The following BAHCC1 variants were observed in gnomAD, a reference collection of about 807,000 sequenced individuals.
The protein encoded by BAHCC1 is BAH domain and coiled-coil containing 1.
In BAHCC1, 43 loss-of-function variants were observed where a neutral mutation model predicts 88.2. That is an observed-to-expected ratio of 0.49 (90% confidence interval 0.38 to 0.63). BAHCC1 has a LOEUF of 0.63. Among genes scored for constraint, BAHCC1 ranks in the 20% least tolerant of loss-of-function variants. The pLI is 0.00. For synonymous variants in BAHCC1, 1,510 were observed against 745.5 expected (o/e 2.03, Z -16.71); for missense variants, 3,023 against 1,654.8 (o/e 1.83, Z -14.34).
intron 26 of BAHCC1, 70 bp from the exon 27 acceptor site, chr17:81,462,670 G>A (rs1469644218): frequency 4.3e-6 from 3 of 700,450 alleles, no homozygotes; most frequent in Non-Finnish European, 7.9e-6. Flanking sequence ...CACCCTCCAT[G>A]CCTCCTGGCC....
At chr17:81,456,839 G>T (rs1388706314) in intron 16 of BAHCC1, among the ~76,000 whole-genome samples, 3 of 152,254 alleles carry the variant, frequency 2.0e-5, no homozygotes, top group Admixed American at 6.5e-5. Context: ...GAAGGGGAAG[G>T]AAGGACCCCC....
chr17:81,452,906 A>G, intron 14 of BAHCC1, 55 bp downstream of exon 14: 3 of 663,448 alleles, frequency 4.5e-6, no homozygotes, highest in Non-Finnish European at 8.1e-6. Flanking sequence ...TGGGCCCTCG[A>G]GGCTGGGGAG....
intron 1 of BAHCC1, 142 bp downstream of exon 1, chr17:81,395,777 C>G (rs537826332): frequency 6.8e-6 from 1 of 147,440 alleles, no homozygotes; most frequent in South Asian, 2.1e-4. Context: ...TATATCTTCC[C>G]TTTTAACAAA....
rs1555658977 is a variant in BAHCC1 at position 81,460,682 on chromosome 17, A to C, written c.6178A>C (p.Lys2060Gln). Residue 2060 changes from lysine (K) to glutamine (Q), a missense_variant, in exon 25 of 28, where the codon AAA (lysine) becomes CAA (glutamine). Transcript: ENST00000675386. ...CGAAGCTTTGAAGACACCTGGGAAA[A>C]AATCCATTAGCAAAGACAAAGCTGG... ...GPEALKTPGK[K>Q]SISKDKAGKA... is the part of the protein sequence containing the mutation. The C allele has an allele frequency of 1.4e-5, 11 of 773,266 alleles. No individual in the cohort carries two copies. The highest frequency in any genetic ancestry group is 1.2e-4 in the South Asian group (9 of 73,852). The allele number at this position is 773,266 out of a possible 1,614,324, so 47.9% of individuals were successfully genotyped here.
intron 2 of BAHCC1, among the ~76,000 whole-genome samples, chr17:81,413,978 T>C (rs1235342813): frequency 2.6e-5 from 4 of 152,204 alleles, no homozygotes; most frequent in African/African-American, 9.6e-5. Flanking sequence ...GAGCTGACGC[T>C]GGCAGCCCAC....
At chr17:81,414,934 C>T (rs1307228631) in intron 2 of BAHCC1, among the ~76,000 whole-genome samples, 2 of 152,208 alleles carry the variant, frequency 1.3e-5, no homozygotes, top group East Asian at 1.9e-4. Context: ...CATCCCCACC[C>T]GACTGGCCAT....
chr17:81,453,087 C>G (rs1241998230), intron 14 of BAHCC1, among the ~76,000 whole-genome samples: 1 of 152,170 alleles, frequency 6.6e-6, no homozygotes, highest in African/African-American at 2.4e-5. Context: ...CCCGGGTCCC[C>G]CTCTGGAAGT....
chr17:81,438,479 T>C lies in BAHCC1; in HGVS notation c.468T>C (p.Tyr156=), dbSNP rs782147148. The C allele has an allele frequency of 1.3e-6, 1 of 771,870 alleles. No individual in the cohort carries two copies. Among genetic ancestry groups the C allele is most frequent in the East Asian group, 2.4e-5 (1 of 41,094 alleles). The allele number at this position is 771,870 out of a possible 1,614,324, so 47.8% of individuals were successfully genotyped here. Residue 156 remains tyrosine, a synonymous_variant, in exon 4 of 28, where the codon TAT becomes TAC. Coordinates refer to ENST00000675386, the MANE Select transcript of BAHCC1 (RefSeq NM_001377448.1). The part of the protein sequence containing the change: ...SNVLYGQHRF[Y]GTQKDNFYLR... ...TTCTCTATGGGCAGCACCGTTTCTA[T>C]GGAACCCAAAAAGGCAAGTGCAGCA...
At chr17:81,458,786 C>T (rs2029969415) in intron 19 of BAHCC1, 27 bp from the exon 20 acceptor site, 1 of 760,224 alleles carries the variant, frequency 1.3e-6, no homozygotes, top group African/African-American at 1.7e-5. Context: ...CTGCACCCCA[C>T]CCAAGCCTGA....
intron 27 of BAHCC1, 30 bp downstream of exon 27, chr17:81,463,006 C>A (rs782591658): frequency 4.5e-5 from 35 of 770,010 alleles, no homozygotes; most frequent in Non-Finnish European, 7.5e-5. Flanking sequence ...GGGGCCCAGC[C>A]CCCCTCGGGG....
chr17:81,463,560 GGGCGCACT>G, intron 27 of BAHCC1, 43 bp from the exon 28 acceptor site: 1 of 773,428 alleles, frequency 1.3e-6, no homozygotes, highest in South Asian at 1.3e-5. Context: ...GGCTGGGCAG[GGGCGCACT>G]GGCCAAGGCC....
chr17:81,445,589 G>A lies in BAHCC1; in HGVS notation c.3071G>A (p.Ser1024Asn), dbSNP rs1318718454. The A allele has an allele frequency of 1.2e-5, 9 of 725,952 alleles. No homozygotes were observed. Among genetic ancestry groups the A allele is most frequent in the South Asian group, 1.2e-4 (8 of 68,026 alleles). The allele number at this position is 725,952 out of a possible 1,614,324, so 45.0% of individuals were successfully genotyped here. The change falls in exon 10 of 28, where the codon AGC becomes AAC. Residue 1024 changes from serine to asparagine, a missense_variant. Coordinates refer to ENST00000675386, the MANE Select transcript of BAHCC1 (RefSeq NM_001377448.1). ...TGCACTTTAAATGTCTGCCCTGCCA[G>A]CAGCCCCGGGCCTGGCTCCCGGGTG... ...APCTLNVCPA[S>N]SPGPGSRVRS...
In BAHCC1 at chr17:81,461,304, G is replaced by A; in HGVS notation, c.6641G>A (p.Gly2214Asp). ...TTCCTGGTCAAGCTGGACCACGAGGGTGTGACCTCCCCCAAGAACAAGACC... is the reference window on the plus strand; with the variant it reads ...TTCCTGGTCAAGCTGGACCACGAGGATGTGACCTCCCCCAAGAACAAGACC... ...GEFLVKLDHE[G>D]VTSPKNKTCK... Residue 2214 changes from glycine (G) to aspartate (D), a missense_variant, in exon 26 of 28, where the codon GGT (glycine) becomes GAT (aspartate). Gly to Asp is a moderately conservative substitution (Grantham distance 94, BLOSUM62 -1). Transcript: ENST00000675386. 1.4e-6 allele frequency: 1 copy of A among 717,790 alleles called. No individual in the cohort carries two copies. Among genetic ancestry groups the A allele is most frequent in the Non-Finnish European group, 2.6e-6 (1 of 389,572 alleles). 44.5% of individuals were successfully genotyped at this position (717,790 alleles called of 1,614,324 possible).
intron 2 of BAHCC1, chr17:81,402,852 G>T (rs180828985): frequency 6.6e-6 from 1 of 152,172 alleles, no homozygotes; most frequent in Non-Finnish European, 1.5e-5. Context: ...GGGCTCCCAG[G>T]CTTCTTCCAT....
Position 81,463,665 on chromosome 17 carries a change from C to T in BAHCC1, c.7675C>T (p.His2559Tyr), listed in dbSNP as rs782719575. The change falls in exon 28 of 28, where the codon CAC (histidine) becomes TAC (tyrosine). Residue 2559 changes from histidine (H) to tyrosine (Y), a missense_variant. By Grantham distance (83) the His-to-Tyr change is moderately conservative. Coordinates refer to ENST00000675386, the MANE Select transcript of BAHCC1 (RefSeq NM_001377448.1). ...TGAGAACGACGTGCAGACCATCTCCCACAAGTGCCAGGTCGTGGCGCGCGA... is the reference window on the plus strand; with the variant it reads ...TGAGAACGACGTGCAGACCATCTCCTACAAGTGCCAGGTCGTGGCGCGCGA... ...EDENDVQTIS[H>Y]KCQVVAREQY... 2.6e-6 allele frequency: 2 copies of T among 779,714 alleles called. No homozygotes were observed. Among genetic ancestry groups the T allele is most frequent in the Non-Finnish European group, 4.8e-6 (2 of 417,900 alleles). 48.3% of individuals were successfully genotyped at this position (779,714 alleles called of 1,614,324 possible). A position where few individuals can be genotyped will look rare whatever the true frequency, so the allele number is the denominator to read the frequency against.
In BAHCC1 at chr17:81,438,410, C is replaced by T. The variant is rs2064366456; in HGVS notation, c.399C>T (p.Thr133=). The T allele has an allele frequency of 1.0e-5, 8 of 778,664 alleles. No homozygotes were observed. The highest frequency in any genetic ancestry group is 5.1e-5 in the African/African-American group (3 of 59,130). The allele number at this position is 778,664 out of a possible 1,614,324, so 48.2% of individuals were successfully genotyped here. ...GATTTTCGGGGAGTCTGGCATCCAC[C>T]TTCCTACCCGTGAGCCACTTGGATC... The part of the protein sequence containing the change: ...YPRFSGSLAS[T]FLPVSHLDHH... Residue 133 remains threonine (T), a synonymous_variant, in exon 4 of 28, where the codon ACC becomes ACT. Coordinates refer to ENST00000675386, the MANE Select transcript of BAHCC1 (RefSeq NM_001377448.1).
chr17:81,426,680 T>C (rs2064203911), intron 2 of BAHCC1, 120 bp from the exon 3 acceptor site: 1 of 398,254 alleles, frequency 2.5e-6, no homozygotes, highest in Non-Finnish European at 4.4e-6. Context: ...AGTCAAAGGC[T>C]CTGGGGGAGA....
intron 1 of BAHCC1, among the ~76,000 whole-genome samples, chr17:81,398,318 G>C (rs782352674): frequency 6.6e-6 from 1 of 152,174 alleles, no homozygotes; most frequent in African/African-American, 2.4e-5. Context: ...CCCCAATTTC[G>C]CCTGAGTGGA....
chr17:81,413,312 G>A (rs1555648132), intron 2 of BAHCC1, among the ~76,000 whole-genome samples: 1 of 152,174 alleles, frequency 6.6e-6, no homozygotes, highest in Non-Finnish European at 1.5e-5. Context: ...CCTGTGACTT[G>A]GCCAAGCGTA....
Sources: gnomAD v4.1 joint callset for allele counts (sites outside exome capture counted in the v4.1 genomes callset) on GRCh38, gnomAD v4.1.1 for gene constraint, MANE v1.5 for transcripts, NCBI Gene and HGNC (gene_info 2026-07-23, HGNC 2026-07-21) for gene names.